The following VRK2 variants were observed in gnomAD, a reference collection of about 807,000 sequenced individuals.
VRK2 encodes the protein VRK serine/threonine kinase 2, also known as serine/threonine-protein kinase VRK2.
In VRK2, 60 loss-of-function variants were observed where a neutral mutation model predicts 57.6. The observed-to-expected ratio is 1.04, with a 90% CI of 0.85 to 1.29. VRK2 has a LOEUF of 1.29. Ranked by LOEUF, VRK2 falls within the 50% of genes most tolerant of loss-of-function variation. VRK2 has a pLI of 0.00. For synonymous variants in VRK2, 231 were observed against 199.2 expected (o/e 1.16, Z -1.35); for missense variants, 705 against 588.1 (o/e 1.20, Z -2.06).
intron 1 of VRK2, among the ~76,000 whole-genome samples, chr2:57,934,061 G>A (rs541997427): frequency 6.6e-6 from 1 of 152,166 alleles, no homozygotes; most frequent in South Asian, 2.1e-4. Context: ...TGTTTCTGAT[G>A]TCATAATTTA....
chr2:57,931,734 A>G (rs748821821), intron 1 of VRK2, among the ~76,000 whole-genome samples: 3 of 151,536 alleles, frequency 2.0e-5, no homozygotes, highest in African/African-American at 4.8e-5. Context: ...TAAGAGATTT[A>G]TAGCTTCCAA....
chr2:58,092,085 C>G (rs956405079), intron 7 of VRK2, among the ~76,000 whole-genome samples: 1 of 152,130 alleles, frequency 6.6e-6, no homozygotes, highest in Non-Finnish European at 1.5e-5. Flanking sequence ...AGTTTGATAT[C>G]TTTTGACAGA....
chr2:58,068,042 G>A (rs1428361830), intron 2 of VRK2, among the ~76,000 whole-genome samples: 1 of 151,730 alleles, frequency 6.6e-6, no homozygotes, highest in Non-Finnish European at 1.5e-5. Context: ...CAATTCCCCT[G>A]CCTCAGCCTC....
intron 2 of VRK2, among the ~76,000 whole-genome samples, chr2:58,075,069 G>C (rs927949918): frequency 6.6e-6 from 1 of 151,944 alleles, no homozygotes; most frequent in East Asian, 1.9e-4. Flanking sequence ...AGTAGGCGCC[G>C]TTGTCTTTTG....
intron 1 of VRK2, among the ~76,000 whole-genome samples, chr2:57,946,839 A>C (rs72808467): frequency 0.026 from 3,886 of 152,248 alleles, 69 homozygotes; most frequent in Non-Finnish European, 0.04. Flanking sequence ...GTGTGACAGA[A>C]GTGAGGATGC....
chr2:58,127,192 T>C (rs1300412499), intron 8 of VRK2, among the ~76,000 whole-genome samples: 1 of 152,112 alleles, frequency 6.6e-6, no homozygotes, highest in Non-Finnish European at 1.5e-5. Context: ...CCAAGTCTTG[T>C]GTTATTTCTT....
intron 7 of VRK2, among the ~76,000 whole-genome samples, chr2:58,116,452 T>G (rs1676504737): frequency 6.6e-6 from 1 of 152,002 alleles, no homozygotes; most frequent in African/African-American, 2.4e-5. Context: ...GAGTATTGTC[T>G]AAGTTGGCAC....
At chr2:58,037,306 A>C (rs1558552950) in intron 3 of VRK2, among the ~76,000 whole-genome samples, 1 of 152,040 alleles carries the variant, frequency 6.6e-6, no homozygotes, top group Non-Finnish European at 1.5e-5. Flanking sequence ...AAGGTCTATA[A>C]TGTCAAGGCT....
intron 7 of VRK2, among the ~76,000 whole-genome samples, chr2:58,108,893 T>G (rs551702570): frequency 3.9e-5 from 6 of 152,240 alleles, no homozygotes; most frequent in Non-Finnish European, 7.3e-5. Context: ...TTTATTTGTT[T>G]TACATAGATC....
At chr2:57,984,720 T>C (rs1672540182) in intron 1 of VRK2, among the ~76,000 whole-genome samples, 1 of 151,882 alleles carries the variant, frequency 6.6e-6, no homozygotes, top group Non-Finnish European at 1.5e-5. Flanking sequence ...GTCCATCCAA[T>C]TAGATGAGGA....
chr2:57,916,572 A>AT (rs1250397977), intron 1 of VRK2, among the ~76,000 whole-genome samples: 1 of 151,858 alleles, frequency 6.6e-6, no homozygotes, highest in African/African-American at 2.4e-5. Flanking sequence ...TAGCACTACA[A>AT]TTTTTTTCAT....
At chr2:58,106,037 T>G (rs533314293) in intron 7 of VRK2, among the ~76,000 whole-genome samples, 1 of 152,074 alleles carries the variant, frequency 6.6e-6, no homozygotes, top group South Asian at 2.1e-4. Flanking sequence ...AGGTTCAGAT[T>G]TGAATCAGAC....
At chr2:58,079,987 T>C (rs1240660892) in intron 2 of VRK2, among the ~76,000 whole-genome samples, 1 of 151,990 alleles carries the variant, frequency 6.6e-6, no homozygotes, top group Non-Finnish European at 1.5e-5. Context: ...GCTATAAATT[T>C]TTCTCCAGGT....
At chr2:58,094,788 A>G (rs1182639167) in intron 7 of VRK2, among the ~76,000 whole-genome samples, 1 of 151,992 alleles carries the variant, frequency 6.6e-6, no homozygotes, top group Non-Finnish European at 1.5e-5. Flanking sequence ...TTCCTCATGT[A>G]CTTGGTTTTA....
chr2:57,926,428 T>C (rs1177441239), intron 1 of VRK2, among the ~76,000 whole-genome samples: 2 of 103,534 alleles, frequency 1.9e-5, no homozygotes, highest in Non-Finnish European at 3.9e-5. Context: ...CATATATATA[T>C]ACATATATAT....
chr2:57,926,996 TC>T (rs1670559658), intron 1 of VRK2, among the ~76,000 whole-genome samples: 2 of 22,342 alleles, frequency 9.0e-5, no homozygotes, highest in African/African-American at 3.8e-4. Context: ...TGTTTTAATT[TC>T]TTGTGTGTGT....
intron 1 of VRK2, among the ~76,000 whole-genome samples, chr2:57,943,655 A>G (rs1671166878): frequency 6.6e-6 from 1 of 152,218 alleles, no homozygotes; most frequent in Non-Finnish European, 1.5e-5. Flanking sequence ...TATCACATAT[A>G]TGGTGATGAT....
At chr2:58,056,001 T>C (rs1216449886) in intron 2 of VRK2, among the ~76,000 whole-genome samples, 1 of 152,106 alleles carries the variant, frequency 6.6e-6, no homozygotes, top group Non-Finnish European at 1.5e-5. Context: ...TAAACTTTGC[T>C]TCTTGAATAA....
At chr2:57,946,027 T>C (rs1671251109) in intron 1 of VRK2, among the ~76,000 whole-genome samples, 1 of 152,078 alleles carries the variant, frequency 6.6e-6, no homozygotes, top group Admixed American at 6.5e-5. Context: ...AACAAAGAAG[T>C]AGCATTCTAC....
Sources: gnomAD v4.1 joint callset for allele counts (sites outside exome capture counted in the v4.1 genomes callset) on GRCh38, gnomAD v4.1.1 for gene constraint, MANE v1.5 for transcripts, NCBI Gene and HGNC (gene_info 2026-07-23, HGNC 2026-07-21) for gene names.